The following SYN1 variants were observed in gnomAD, a reference collection of about 807,000 sequenced individuals.
SYN1 encodes synapsin I.
Under a neutral mutation model 44.6 loss-of-function variants are expected in SYN1, and 8 were observed. The observed-to-expected ratio is 0.18, with a 90% CI of 0.11 to 0.32. The LOEUF is 0.32. Among genes scored for constraint, SYN1 ranks in the 10% least tolerant of loss-of-function variants. SYN1 has a pLI of 1.00. For missense variants in SYN1, 451 were observed against 639.4 expected, an observed-to-expected ratio of 0.71 and a Z score of 3.18; for synonymous variants, 275 against 280.1, an observed-to-expected ratio of 0.98 and a Z score of 0.18.
rs141614092 is a variant in SYN1, at chrX:47,584,967, A to C, written c.775-7466T>G. Reference sequence around the variant, plus strand: ...GGGCCAAGTTCGTGGGGACACCAGAAGTCAACCAGACCACCTTATACCAGC... The same window carrying C: ...GGGCCAAGTTCGTGGGGACACCAGACGTCAACCAGACCACCTTATACCAGC... On this transcript the variant is annotated intron_variant, in intron 5 of 12. Coordinates refer to ENST00000295987, the MANE Select transcript of SYN1 (RefSeq NM_006950.3). 24 of 1,209,403 alleles carry C rather than the reference A, an allele frequency of 2.0e-5. No individual in the cohort carries two copies. In the African/African-American group the frequency reaches 3.9e-4, roughly 19 times the overall value.
chrX:47,613,183 G>C (rs1159517967), intron 1 of SYN1, among the ~76,000 whole-genome samples: 2 of 105,032 alleles, frequency 1.9e-5, no homozygotes, highest in African/African-American at 6.9e-5. Context: ...TTTGGATCGT[G>C]TGTTAACACC....
intron 5 of SYN1, among the ~76,000 whole-genome samples, chrX:47,604,230 T>C (rs2057889303): frequency 9.3e-6 from 1 of 108,054 alleles, no homozygotes; most frequent in Non-Finnish European, 1.9e-5. Context: ...TTCATAATAG[T>C]AACCAAAAGT....
chrX:47,572,072 A>T lies in SYN1; in HGVS notation c.*792T>A. On this transcript the variant is annotated 3_prime_UTR_variant, in exon 13 of 13. Coordinates refer to ENST00000295987, the MANE Select transcript of SYN1 (RefSeq NM_006950.3). The stretch of plus-strand genomic sequence containing the variant: ...GCGGCACGATGAACGAGGACCACAT[A>T]TGCCAAGCACGGCACAAAAGGAGGC... The T allele has an allele frequency of 7.4e-6, 1 of 134,982 alleles. No homozygotes were observed. The allele number at this position is 134,982 out of a possible 1,213,427, so 11.1% of individuals were successfully genotyped here. A position where few individuals can be genotyped will look rare whatever the true frequency, so the allele number is the denominator to read the frequency against.
rs561071810 is a variant in SYN1, at chrX:47,594,853, G to A, written c.774+10125C>T. 1.2e-3 allele frequency among the ~76,000 whole-genome samples: 128 copies of A among 110,098 alleles called. 2 individuals carry two copies. The South Asian group carries it at 0.048, about 42-fold the overall frequency. ...AGCAATTCTCCTGCCTCAGCCGCTC[G>A]AGTAGCTGGGATTACAGGCATGCGC... On this transcript the variant is annotated intron_variant, in intron 5 of 12. Transcript: ENST00000295987.
At chrX:47,586,676 G>A (rs372062333) in intron 5 of SYN1, 7 of 1,208,146 alleles carry the variant, frequency 5.8e-6, no homozygotes, top group South Asian at 1.8e-5. Flanking sequence ...AGTCCCTGCG[G>A]TCCCAGATAG....
chrX:47,612,773 C>T (rs1212721683), intron 1 of SYN1, among the ~76,000 whole-genome samples: 2 of 111,804 alleles, frequency 1.8e-5, no homozygotes, highest in African/African-American at 6.5e-5. Context: ...AATAAAAAGA[C>T]TGGAAGATCC....
At chrX:47,586,174 C>T in intron 5 of SYN1, 1 of 752,690 alleles carries the variant, frequency 1.3e-6, no homozygotes, top group South Asian at 6.8e-5. Context: ...TGAAGCCCCA[C>T]TGGCTATTCC....
At chrX:47,579,124 C>G (rs894868491) in intron 5 of SYN1, among the ~76,000 whole-genome samples, 3 of 111,824 alleles carry the variant, frequency 2.7e-5, no homozygotes, top group African/African-American at 9.8e-5. Context: ...ACACAAAACA[C>G]ACAGGCACAT....
intron 5 of SYN1, among the ~76,000 whole-genome samples, chrX:47,578,919 G>A (rs1021668247): frequency 9.0e-6 from 1 of 111,664 alleles, no homozygotes; most frequent in Non-Finnish European, 1.9e-5. Context: ...TCATTATGAG[G>A]TGGGCTGAGA....
At position 47,575,206 on chromosome X, in the gene SYN1, G is replaced by A. The variant is rs1603051010; in HGVS notation, c.1227C>T (p.Leu409=). 1.7e-6 allele frequency: 2 copies of A among 1,203,484 alleles called. No homozygotes were observed. Among genetic ancestry groups the A allele is most frequent in the Non-Finnish European group, 2.2e-6 (2 of 891,275 alleles). The change falls in exon 10 of 13, where the codon CTC becomes CTT. Residue 409 remains leucine (L), a synonymous_variant. Transcript: ENST00000295987. ...QDEDKQLIVE[L]VVNKMAQALP... ...GGGCCTGAGCCATCTTGTTGACCAC[G>A]AGCTCTACGATGAGCTGTTTGTCTT...
At position 47,574,789 on chromosome X, in the gene SYN1, A is replaced by G; in HGVS notation, c.1306-14T>C. The G allele has an allele frequency of 8.6e-6, 10 of 1,163,537 alleles. No individual in the cohort carries two copies. The highest frequency in any genetic ancestry group is 1.2e-5 in the Non-Finnish European group (10 of 864,304). ...TGGGGACGGAGTCTGCGGCAGAGGA[A>G]TGGAGCAGGAGAGGTTAAAAATAGT... On this transcript the variant is annotated splice_polypyrimidine_tract_variant and intron_variant, in intron 10 of 12. Transcript: ENST00000295987.
In SYN1 at chrX:47,609,430, A is replaced by G. The variant is rs1254067401; in HGVS notation, c.378-2232T>C. ...CAGCCCCAGGGCTCCCCCTAAGAGC[A>G]GCGGAGGCCCCTAAGGCAACTACAT... is the stretch of plus-strand genomic sequence containing the variant. On this transcript the variant is annotated intron_variant, in intron 1 of 12. Transcript: ENST00000295987. 3.6e-5 allele frequency among the ~76,000 whole-genome samples: 4 copies of G among 112,315 alleles called. No individual in the cohort carries two copies. In the East Asian group the frequency reaches 1.1e-3, roughly 32 times the overall value.
chrX:47,575,286 A>T lies in SYN1; in HGVS notation c.1159-12T>A. On this transcript the variant is annotated splice_polypyrimidine_tract_variant and intron_variant, in intron 9 of 12. Transcript: ENST00000295987. ...GAGGAACCCACCACCTGGGGGAAGG[A>T]AAGGATCCGTGAGGGGAGAGGCAGG... is the stretch of plus-strand genomic sequence containing the variant. 8.3e-7 allele frequency: 1 copy of T among 1,209,001 alleles called. No individual in the cohort carries two copies. Among genetic ancestry groups the T allele is most frequent in the Non-Finnish European group, 1.1e-6 (1 of 893,795 alleles).
At position 47,592,488 on chromosome X, in the gene SYN1, C is replaced by T. The variant is rs932307729; in HGVS notation, c.774+12490G>A. 6.3e-5 allele frequency among the ~76,000 whole-genome samples: 7 copies of T among 111,208 alleles called. No individual in the cohort carries two copies. The East Asian group carries it at 2.0e-3, about 31-fold the overall frequency. The stretch of plus-strand genomic sequence containing the variant: ...GTTTTCCTAGTTTTTCTTGCATGTT[C>T]GCTTTTCCATATGAACTTTACTATC... On this transcript the variant is annotated intron_variant, in intron 5 of 12. Coordinates refer to ENST00000295987, the MANE Select transcript of SYN1 (RefSeq NM_006950.3).
At chrX:47,580,445 A>G (rs1221611825) in intron 5 of SYN1, among the ~76,000 whole-genome samples, 3 of 107,675 alleles carry the variant, frequency 2.8e-5, no homozygotes, top group Admixed American at 2.0e-4. Context: ...AGCCTGGCCA[A>G]CATGGTGAAA....
chrX:47,576,683 G>A (rs748532646), intron 6 of SYN1, 43 bp from the exon 7 acceptor site: 81 of 1,206,920 alleles, frequency 6.7e-5, no homozygotes, highest in Middle Eastern at 2.6e-4. Context: ...TCAGGATAGG[G>A]CAGCTGTGGG....
intron 5 of SYN1, chrX:47,583,389 A>AC (rs983319112): frequency 8.5e-7 from 1 of 1,178,151 alleles, no homozygotes; most frequent in African/African-American, 1.8e-5. Context: ...GGCCTGCCTG[A>AC]CATCCCCCTT....
chrX:47,576,013 T>C lies in SYN1; in HGVS notation c.1158+118A>G, dbSNP rs58109627. ...CGAAAGTTCGTCAGGCACCTTACAG[T>C]GTACTAAGCACATTGCTGTTGGCTG... On this transcript the variant is annotated intron_variant, in intron 9 of 12. Transcript: ENST00000295987. 6.1e-3 allele frequency: 4,509 copies of C among 742,664 alleles called. 114 individuals carry two copies. The African/African-American group carries it at 0.076, about 12-fold the overall frequency. 61.2% of individuals were successfully genotyped at this position (742,664 alleles called of 1,213,427 possible). A position where few individuals can be genotyped will look rare whatever the true frequency, so the allele number is the denominator to read the frequency against.
At chrX:47,619,309 T>C in intron 1 of SYN1, 43 bp downstream of exon 1, 1 of 1,198,182 alleles carries the variant, frequency 8.3e-7, no homozygotes, top group Non-Finnish European at 1.1e-6. Context: ...AAGAACGATC[T>C]GGGGACCCAG....
Sources: gnomAD v4.1 joint callset for allele counts (sites outside exome capture counted in the v4.1 genomes callset) on GRCh38, gnomAD v4.1.1 for gene constraint, MANE v1.5 for transcripts, NCBI Gene and HGNC (gene_info 2026-07-23, HGNC 2026-07-21) for gene names.